Variants in CNTN5 observed in about 807,000 individuals in gnomAD.
The protein encoded by CNTN5 is contactin-5.
A neutral mutation model predicts 129.1 loss-of-function variants in CNTN5; 77 were observed. The ratio of observed to expected loss-of-function variants is 0.60; its 90% confidence interval spans 0.50 to 0.72. The LOEUF (loss-of-function observed/expected upper bound fraction) is 0.72, where lower values mean the gene tolerates loss of function less well. Ranked by LOEUF, CNTN5 falls within the 30% of genes least tolerant of loss-of-function variation. The probability of loss-of-function intolerance (pLI) is 0.00; values close to 1 mark genes in which losing one functional copy is unlikely to be tolerated. For synonymous variants in CNTN5, 509 were observed against 465.6 expected (o/e 1.09, Z -1.20); for missense variants, 1,478 against 1,328.8 (o/e 1.11, Z -1.75).
intron 2 of CNTN5, among the ~76,000 whole-genome samples, chr11:99,354,146 T>C (rs528852635): frequency 6.6e-6 from 1 of 152,324 alleles, no homozygotes; most frequent in South Asian, 2.1e-4. Context: ...TAATTGGCTT[T>C]CTCTCACTCC....
intron 2 of CNTN5, among the ~76,000 whole-genome samples, chr11:99,466,761 C>G (rs1438739118): frequency 6.6e-6 from 1 of 152,190 alleles, no homozygotes; most frequent in Non-Finnish European, 1.5e-5. Flanking sequence ...CAGCACATCA[C>G]CTCCAAAGCC....
chr11:100,113,521 A>G (rs535618906), intron 13 of CNTN5, among the ~76,000 whole-genome samples: 18 of 151,650 alleles, frequency 1.2e-4, no homozygotes, highest in Admixed American at 3.3e-4. Flanking sequence ...AAAACTTTGA[A>G]AAGTACCAAC....
intron 13 of CNTN5, among the ~76,000 whole-genome samples, chr11:100,080,461 G>T (rs1944317201): frequency 6.6e-6 from 1 of 152,052 alleles, no homozygotes; most frequent in African/African-American, 2.4e-5. Context: ...CTTCTAGTGG[G>T]AATTCATGTT....
intron 16 of CNTN5, among the ~76,000 whole-genome samples, chr11:100,252,894 C>A (rs1473849327): frequency 2.0e-5 from 3 of 152,096 alleles, no homozygotes; most frequent in Admixed American, 1.3e-4. Context: ...GGTAAAGATG[C>A]AAAGCTTAAC....
chr11:99,091,340 GA>G (rs748630430), intron 1 of CNTN5, among the ~76,000 whole-genome samples: 85 of 152,296 alleles, frequency 5.6e-4, no homozygotes, highest in Middle Eastern at 3.4e-3. Flanking sequence ...GGCTAATCAG[GA>G]AAACAGAACA....
At chr11:99,565,470 A>G (rs138354038) in intron 3 of CNTN5, among the ~76,000 whole-genome samples, 5 of 152,294 alleles carry the variant, frequency 3.3e-5, no homozygotes, top group Non-Finnish European at 7.4e-5. Flanking sequence ...ACATAATAAG[A>G]CAACCTTTGT....
At chr11:100,153,871 ATATAAGTTTCAAATCTGTTAG>A (rs1253137406) in intron 13 of CNTN5, among the ~76,000 whole-genome samples, 10 of 151,692 alleles carry the variant, frequency 6.6e-5, no homozygotes, top group Admixed American at 1.3e-4. Context: ...TTTCTAGTGC[ATATAAGTTTCAAATCTGTTAG>A]TATAAGTTTC....
intron 1 of CNTN5, among the ~76,000 whole-genome samples, chr11:99,321,740 T>C (rs571819772): frequency 1.3e-4 from 20 of 152,168 alleles, no homozygotes; most frequent in Non-Finnish European, 1.2e-4. Flanking sequence ...AATATCATAT[T>C]GGTGAAGGGT....
chr11:100,268,911 T>C (rs1950356533), intron 17 of CNTN5, among the ~76,000 whole-genome samples: 1 of 152,124 alleles, frequency 6.6e-6, no homozygotes, highest in Admixed American at 6.6e-5. Flanking sequence ...TCTATTCAAA[T>C]AGTAATGTCT....
rs140923858 is a variant in CNTN5 at position 99,693,727 on chromosome 11, C to T, written c.56-125817C>T. ...AATATGTCAGTGGGATTTTGACAGA[C>T]GAGATTGTTTCTTTGATTTATAATA... is the stretch of plus-strand genomic sequence containing the variant. On this transcript the variant is annotated intron_variant, in intron 3 of 24. Coordinates refer to ENST00000524871, the MANE Select transcript of CNTN5 (RefSeq NM_014361.4). Among the ~76,000 whole-genome samples the T allele has an allele frequency of 1.1e-3, 168 of 152,120 alleles. 3 individuals are homozygous for T. The highest frequency in any genetic ancestry group is 6.9e-3 in the Admixed American group (105 of 15,272).
intron 3 of CNTN5, among the ~76,000 whole-genome samples, chr11:99,809,242 CT>C (rs1452225472): frequency 6.6e-6 from 1 of 152,122 alleles, no homozygotes; most frequent in Non-Finnish European, 1.5e-5. Flanking sequence ...ACAACTAAGC[CT>C]TTTCGCTAAA....
chr11:99,944,914 G>A lies in CNTN5; in HGVS notation c.674-11892G>A, dbSNP rs762469883. On this transcript the variant is annotated intron_variant, in intron 7 of 24. Transcript: ENST00000524871. ...TCTTAAAACCTTCTTTGAGGCAGTA[G>A]TACTTGTACTTGGATTGTGTCCAAG... 1.4e-4 allele frequency among the ~76,000 whole-genome samples: 21 copies of A among 152,058 alleles called. 1 individual carries two copies. Among genetic ancestry groups the A allele is most frequent in the Non-Finnish European group, 2.9e-4 (20 of 67,978 alleles).
intron 3 of CNTN5, among the ~76,000 whole-genome samples, chr11:99,632,685 C>T (rs1951404667): frequency 6.6e-6 from 1 of 152,096 alleles, no homozygotes; most frequent in Non-Finnish European, 1.5e-5. Context: ...ACCACTGAAT[C>T]AGTAGAGTCT....
intron 1 of CNTN5, among the ~76,000 whole-genome samples, chr11:99,320,211 T>C (rs892069455): frequency 6.6e-6 from 1 of 152,092 alleles, no homozygotes; most frequent in Non-Finnish European, 1.5e-5. Flanking sequence ...CACTGCACTC[T>C]AGCCTGGGCA....
chr11:99,145,498 ACGAT>A (rs2135473776), intron 1 of CNTN5, among the ~76,000 whole-genome samples: 2 of 152,136 alleles, frequency 1.3e-5, no homozygotes, highest in Non-Finnish European at 2.9e-5. Context: ...ATTTTTGAAG[ACGAT>A]TTTTCTTCTT....
chr11:99,724,269 T>C lies in CNTN5; in HGVS notation c.56-95275T>C, dbSNP rs553608459. On this transcript the variant is annotated intron_variant, in intron 3 of 24. Transcript: ENST00000524871. ...ATTTCAAGTGGGATTTTCTGTTCTC[T>C]GCTTTTAACTCTTACCAATGTCACA... Among the ~76,000 whole-genome samples the C allele has an allele frequency of 2.0e-5, 3 of 152,306 alleles. No individual in the cohort carries two copies. The East Asian group carries it at 5.8e-4, about 29-fold the overall frequency.
intron 10 of CNTN5, among the ~76,000 whole-genome samples, chr11:100,064,161 A>C (rs922534299): frequency 6.6e-6 from 1 of 152,182 alleles, no homozygotes; most frequent in Non-Finnish European, 1.5e-5. Flanking sequence ...AGAAGTACAG[A>C]CTACCCATTT....
chr11:99,205,503 A>T (rs569810328), intron 1 of CNTN5, among the ~76,000 whole-genome samples: 124 of 152,292 alleles, frequency 8.1e-4, no homozygotes, highest in African/African-American at 2.9e-3. Flanking sequence ...CACCGTCTCA[A>T]ATTACTTCCA....
intron 3 of CNTN5, among the ~76,000 whole-genome samples, chr11:99,721,268 T>C (rs545528244): frequency 5.3e-5 from 8 of 151,972 alleles, no homozygotes; most frequent in Non-Finnish European, 1.0e-4. Flanking sequence ...CAAAACAACA[T>C]GGTAGTGGTG....
Sources: allele counts gnomAD v4.1 joint callset (sites outside exome capture counted in the v4.1 genomes callset), GRCh38; gene constraint gnomAD v4.1.1; transcripts MANE v1.5; gene names NCBI Gene and HGNC (gene_info 2026-07-23, HGNC 2026-07-21).